The following PEAK1 variants were observed in gnomAD, a reference collection of about 807,000 sequenced individuals.
The protein encoded by PEAK1 is inactive tyrosine-protein kinase PEAK1.
In PEAK1, 54 loss-of-function variants were observed where a neutral mutation model predicts 124.7. The ratio of observed to expected loss-of-function variants is 0.43; its 90% CI spans 0.35 to 0.54. PEAK1 has a LOEUF of 0.54. Ranked by LOEUF, PEAK1 falls within the 20% of genes least tolerant of loss-of-function variation. PEAK1 has a pLI of 0.01. For synonymous variants in PEAK1, 719 were observed against 760.0 expected, an observed-to-expected ratio of 0.95 and a Z score of 0.89; for missense variants, 2,046 against 2,134.5, an observed-to-expected ratio of 0.96 and a Z score of 0.82.
At chr15:77,303,809 C>G (rs772096652) in intron 2 of PEAK1, among the ~76,000 whole-genome samples, 2 of 152,030 alleles carry the variant, frequency 1.3e-5, no homozygotes, top group Non-Finnish European at 2.9e-5. Flanking sequence ...AAATCTTTTA[C>G]CAAACCCAGT....
In PEAK1 at chr15:77,141,898, C is replaced by T. The variant is rs150788287; in HGVS notation, c.3332-8148G>A. Among the ~76,000 whole-genome samples the T allele has an allele frequency of 8.6e-3, 1,298 of 151,746 alleles. 13 individuals carry two copies. The highest frequency in any genetic ancestry group is 0.047 in the South Asian group (225 of 4,810). On this transcript the variant is annotated intron_variant, in intron 8 of 9. Transcript: ENST00000682557. ...TAAAACTAAAAACTCTTAGAAAAAA[C>T]GTAGGAATAAATCTTTGCAACCTTG...
chr15:77,304,669 C>A (rs989176829), intron 2 of PEAK1, among the ~76,000 whole-genome samples: 1 of 151,950 alleles, frequency 6.6e-6, no homozygotes, highest in Admixed American at 6.6e-5. Flanking sequence ...AGGATGGTCT[C>A]CATCTCCTGA....
intron 6 of PEAK1, among the ~76,000 whole-genome samples, chr15:77,223,886 A>ATTTTTTTTTTTT (rs10719377): frequency 8.2e-6 from 1 of 121,608 alleles, no homozygotes; most frequent in Non-Finnish European, 1.7e-5. Context: ...CATTTGAGAG[A>ATTTTTTTTTTTT]TTTTTTTTTT....
At chr15:77,279,693 T>C (rs1029498454) in intron 5 of PEAK1, among the ~76,000 whole-genome samples, 3 of 152,364 alleles carry the variant, frequency 2.0e-5, no homozygotes, top group African/African-American at 2.4e-5. Flanking sequence ...ACTGGGTTTA[T>C]AGTGGCTTTC....
chr15:77,169,962 A>C (rs1198395293), intron 7 of PEAK1, among the ~76,000 whole-genome samples: 2 of 152,192 alleles, frequency 1.3e-5, no homozygotes, highest in Admixed American at 6.5e-5. Context: ...TATCAAGTGG[A>C]AAATTGCACA....
chr15:77,221,872 C>T (rs1596688658), intron 6 of PEAK1, among the ~76,000 whole-genome samples: 1 of 152,146 alleles, frequency 6.6e-6, no homozygotes. Context: ...TGTTGGCTTG[C>T]CCAGGTTTAG....
rs753788084 is a variant in PEAK1 at position 77,114,203 on chromosome 15, T to C, written c.5194A>G (p.Thr1732Ala). The change falls in exon 10 of 10, where the codon ACT becomes GCT. Residue 1732 changes from threonine to alanine, a missense_variant. Coordinates refer to ENST00000682557, the MANE Select transcript of PEAK1 (RefSeq NM_001385026.1). ...WLCAQYLAFA[T>A]TDSLSCIVKI... ...ACAATACAACTGAGGGAGTCTGTAG[T>C]GGCAAAAGCCAAATACTGAGCACAA... is the stretch of plus-strand genomic sequence containing the variant. 1.4e-5 allele frequency: 22 copies of C among 1,614,232 alleles called. No individual in the cohort carries two copies. The East Asian group carries it at 4.9e-4, about 36-fold the overall frequency.
chr15:77,338,573 T>A (rs1468195914), intron 2 of PEAK1, among the ~76,000 whole-genome samples: 1 of 151,506 alleles, frequency 6.6e-6, no homozygotes, highest in Non-Finnish European at 1.5e-5. Flanking sequence ...GAACAGCATA[T>A]TAACAATCTA....
chr15:77,356,161 A>C (rs975221007), intron 2 of PEAK1, among the ~76,000 whole-genome samples: 2 of 152,210 alleles, frequency 1.3e-5, no homozygotes, highest in African/African-American at 4.8e-5. Flanking sequence ...AGGGGTAATA[A>C]AATGTTTTGA....
chr15:77,141,356 T>C (rs2053769402), intron 8 of PEAK1, among the ~76,000 whole-genome samples: 1 of 152,220 alleles, frequency 6.6e-6, no homozygotes, highest in Non-Finnish European at 1.5e-5. Flanking sequence ...AGACTTGTAC[T>C]TTGAAAACTA....
chr15:77,283,577 AT>A (rs1411476355), intron 5 of PEAK1, among the ~76,000 whole-genome samples: 3 of 152,230 alleles, frequency 2.0e-5, no homozygotes, highest in African/African-American at 7.2e-5. Context: ...CAAAGTGGAA[AT>A]AAAAAAGAAA....
chr15:77,410,259 G>A (rs1257529580), intron 1 of PEAK1, among the ~76,000 whole-genome samples: 2 of 151,774 alleles, frequency 1.3e-5, no homozygotes, highest in Non-Finnish European at 2.9e-5. Context: ...TCAGCCTCCC[G>A]GGATTACAGG....
chr15:77,165,008 A>T (rs2055973937), intron 7 of PEAK1, among the ~76,000 whole-genome samples: 1 of 151,064 alleles, frequency 6.6e-6, no homozygotes, highest in Non-Finnish European at 1.5e-5. Context: ...GGTTCAAGAG[A>T]TTTTCCTACC....
chr15:77,303,230 G>C (rs1240815381), intron 2 of PEAK1, among the ~76,000 whole-genome samples: 1 of 152,114 alleles, frequency 6.6e-6, no homozygotes, highest in African/African-American at 2.4e-5. Flanking sequence ...TTTGTGTACA[G>C]GTCTTGTGTG....
chr15:77,318,024 G>A (rs2064981274), intron 2 of PEAK1, among the ~76,000 whole-genome samples: 1 of 152,150 alleles, frequency 6.6e-6, no homozygotes, highest in Non-Finnish European at 1.5e-5. Context: ...CAGGGACCAG[G>A]AATTGGCAGG....
chr15:77,358,349 T>G (rs1048455280), intron 2 of PEAK1, among the ~76,000 whole-genome samples: 13 of 152,208 alleles, frequency 8.5e-5, no homozygotes, highest in Non-Finnish European at 1.3e-4. Context: ...TACTCTTTGA[T>G]AGTCTCTTCT....
At chr15:77,305,101 C>T (rs901746226) in intron 2 of PEAK1, among the ~76,000 whole-genome samples, 1 of 150,284 alleles carries the variant, frequency 6.7e-6, no homozygotes. Flanking sequence ...TGAGATTGAG[C>T]CACTGCACTC....
intron 2 of PEAK1, chr15:77,347,383 G>C: frequency 2.0e-6 from 2 of 985,358 alleles, no homozygotes; most frequent in Non-Finnish European, 2.4e-6. Flanking sequence ...TTCTGAATCA[G>C]AAAGAATCGG....
At chr15:77,287,190 A>T (rs1271675453) in intron 2 of PEAK1, among the ~76,000 whole-genome samples, 1 of 152,232 alleles carries the variant, frequency 6.6e-6, no homozygotes, top group Non-Finnish European at 1.5e-5. Flanking sequence ...ATATTAATCC[A>T]CATAAGACTG....
Sources: allele counts gnomAD v4.1 joint callset (sites outside exome capture counted in the v4.1 genomes callset), GRCh38; gene constraint gnomAD v4.1.1; transcripts MANE v1.5; gene names NCBI Gene and HGNC (gene_info 2026-07-23, HGNC 2026-07-21).